EIF4E3: variants seen among roughly 807,000 people sequenced by gnomAD.
The protein encoded by EIF4E3 is eukaryotic translation initiation factor 4E family member 3, also known as eukaryotic translation initiation factor 4E type 3.
EIF4E3 carries 26 observed loss-of-function variants against 31.7 expected under a neutral mutation model. The observed-to-expected ratio is 0.82, with a 90% CI of 0.60 to 1.14. The LOEUF (loss-of-function observed/expected upper bound fraction) is 1.14, where lower values mean the gene tolerates loss of function less well. Ranked by LOEUF, EIF4E3 falls within the 50% of genes most tolerant of loss-of-function variation. The pLI is 0.00. For synonymous variants in EIF4E3, 128 were observed against 107.7 expected, an observed-to-expected ratio of 1.19 and a Z score of -1.17; for missense variants, 304 against 270.9, an observed-to-expected ratio of 1.12 and a Z score of -0.86.
chr3:71,714,273 A>C (rs58952199), intron 1 of EIF4E3, among the ~76,000 whole-genome samples: 2,878 of 125,354 alleles, frequency 0.023, 115 homozygotes, highest in African/African-American at 0.089. Context: ...AAGGAAGGAA[A>C]GAAGGAAGGA....
chr3:71,708,970 G>A (rs144521532), intron 2 of EIF4E3, among the ~76,000 whole-genome samples: 1 of 152,258 alleles, frequency 6.6e-6, no homozygotes, highest in African/African-American at 2.4e-5. Flanking sequence ...TCAGGACTGT[G>A]TCTTCACACC....
Position 71,684,408 on chromosome 3 carries a change from ATC to A in EIF4E3, c.*272_*273del. ...TTTTAAACGGCAAAAAAAAAAAAAA[ATC>A]AGAGTGAAAAGAACAGAGAATTTAG... On this transcript the variant is annotated 3_prime_UTR_variant, in exon 7 of 7. Transcript: ENST00000425534. The A allele has an allele frequency of 6.3e-6, 2 of 318,578 alleles. No individual in the cohort carries two copies. The highest frequency in any genetic ancestry group is 1.2e-5 in the Non-Finnish European group (2 of 173,456). 19.7% of individuals were successfully genotyped at this position (318,578 alleles called of 1,614,324 possible). A position where few individuals can be genotyped will look rare whatever the true frequency, so the allele number is the denominator to read the frequency against.
chr3:71,682,237 C>T lies in EIF4E3; in HGVS notation c.*2445G>A, dbSNP rs2048932810. On this transcript the variant is annotated 3_prime_UTR_variant, in exon 7 of 7. Coordinates refer to ENST00000425534, the MANE Select transcript of EIF4E3 (RefSeq NM_001134651.2). Reference sequence around the variant, plus strand: ...CACAGACCCTAAGGAATTACAAAGACAAAAAAGCAAGCTCTTTGGTTTCTG... The same window carrying T: ...CACAGACCCTAAGGAATTACAAAGATAAAAAAGCAAGCTCTTTGGTTTCTG... 6.6e-6 allele frequency: 1 copy of T among 152,136 alleles called. No homozygotes were observed. The highest frequency in any genetic ancestry group is 6.5e-5 in the Admixed American group (1 of 15,284). The allele number at this position is 152,136 out of a possible 1,614,324, so 9.4% of individuals were successfully genotyped here. A position where few individuals can be genotyped will look rare whatever the true frequency, so the allele number is the denominator to read the frequency against.
At chr3:71,669,900 T>G in the EIF4E3 span, among the ~76,000 whole-genome samples, 1 of 152,222 alleles carries the variant, frequency 6.6e-6, no homozygotes. Flanking sequence ...CTATTCATAC[T>G]GCACAGCTCC....
chr3:71,753,439 G>GCGC (rs1255739289), intron 1 of EIF4E3: 2 of 152,286 alleles, frequency 1.3e-5, no homozygotes, highest in Non-Finnish European at 2.9e-5. Flanking sequence ...CCCAGCGCGG[G>GCGC]CGCCGCCGCC....
In EIF4E3 at chr3:71,711,382, A is replaced by G. The variant is rs1203461545; in HGVS notation, c.177-898T>C. 2.0e-5 allele frequency among the ~76,000 whole-genome samples: 3 copies of G among 152,256 alleles called. No homozygotes were observed. The East Asian group carries it at 5.8e-4, about 29-fold the overall frequency. ...CACATCTGGTTGTTGGTGAGAAATAAGAAGCTTGCTGAGAGGAGAAAGCAC... is the reference window on the plus strand; with the variant it reads ...CACATCTGGTTGTTGGTGAGAAATAGGAAGCTTGCTGAGAGGAGAAAGCAC... On this transcript the variant is annotated intron_variant, in intron 1 of 6. Coordinates refer to ENST00000425534, the MANE Select transcript of EIF4E3 (RefSeq NM_001134651.2).
upstream of EIF4E3, among the ~76,000 whole-genome samples, chr3:71,729,377 A>G (rs1241170796): frequency 6.6e-6 from 1 of 152,204 alleles, no homozygotes; most frequent in African/African-American, 2.4e-5. Flanking sequence ...CTCTGTCTCA[A>G]CACTTTGGGA....
chr3:71,728,115 A>G (rs1249346693), upstream of EIF4E3, among the ~76,000 whole-genome samples: 2 of 152,214 alleles, frequency 1.3e-5, no homozygotes, highest in African/African-American at 4.8e-5. Flanking sequence ...AAGACCTAAT[A>G]GCATATATGC....
upstream of EIF4E3, chr3:71,754,267 C>T (rs1354433923): frequency 8.2e-7 from 1 of 1,224,220 alleles, no homozygotes; most frequent in Non-Finnish European, 1.0e-6. The surrounding 1 kb of genome is among the most constrained non-coding windows in gnomAD (Gnocchi z 5.8). Context: ...GCCTGCCTCC[C>T]GGCCGTCATG....
At chr3:71,731,433 T>C (rs1232339548) in intron 1 of EIF4E3, among the ~76,000 whole-genome samples, 1 of 152,106 alleles carries the variant, frequency 6.6e-6, no homozygotes, top group Non-Finnish European at 1.5e-5. Flanking sequence ...CTAAAGCAGG[T>C]CTTCTCCCCT....
chr3:71,660,776 G>A, the EIF4E3 span, among the ~76,000 whole-genome samples: 1 of 152,200 alleles, frequency 6.6e-6, no homozygotes, highest in South Asian at 2.1e-4. Flanking sequence ...TCTGTTTTGC[G>A]GATGACAAGG....
upstream of EIF4E3, among the ~76,000 whole-genome samples, chr3:71,727,846 A>G (rs971705005): frequency 1.3e-5 from 2 of 152,238 alleles, no homozygotes; most frequent in Admixed American, 1.3e-4. Flanking sequence ...CAATATCCTC[A>G]GCAAAAAAGG....
chr3:71,725,282 T>TCGGGGGCGGCGG lies in EIF4E3; in HGVS notation c.74_85dup (p.Ala25_Pro28dup). ...CAGCTGCTGCAGGCCGAGCGGCGGC[T>TCGGGGGCGGCGG]CGGGGGCGGCGGCAGCGGCGGCGGC... On this transcript the variant is annotated inframe_insertion, in exon 1 of 7. Coordinates refer to ENST00000425534, the MANE Select transcript of EIF4E3 (RefSeq NM_001134651.2). This position sits in a 1 kb window ranked among gnomAD's most constrained non-coding sequence, Gnocchi z 6.1. 3 of 1,014,464 alleles carry TCGGGGGCGGCGG rather than the reference T, an allele frequency of 3.0e-6. No individual in the cohort carries two copies. The highest frequency in any genetic ancestry group is 4.4e-5 in the South Asian group (1 of 22,502). 62.8% of individuals were successfully genotyped at this position (1,014,464 alleles called of 1,614,324 possible).
At chr3:71,747,697 C>G (rs1402173753) in intron 1 of EIF4E3, among the ~76,000 whole-genome samples, 1 of 152,096 alleles carries the variant, frequency 6.6e-6, no homozygotes, top group Non-Finnish European at 1.5e-5. Flanking sequence ...ACTTCCTAAT[C>G]TAAAGTCATG....
At chr3:71,674,398 C>T (rs952137257), downstream of EIF4E3, among the ~76,000 whole-genome samples, 5 of 151,994 alleles carry the variant, frequency 3.3e-5, no homozygotes, top group African/African-American at 9.7e-5. Flanking sequence ...TGAGCCACTG[C>T]GCCCGACCCT....
intron 2 of EIF4E3, among the ~76,000 whole-genome samples, chr3:71,708,170 G>A (rs1213077334): frequency 2.0e-5 from 3 of 151,982 alleles, no homozygotes; most frequent in African/African-American, 7.3e-5. Flanking sequence ...CACCATGCTC[G>A]GCCTCATTCA....
rs1559602527 is a variant in EIF4E3 at position 71,714,273 on chromosome 3, A to AAGGAAG, written c.177-3790_177-3789insCTTCCT. On this transcript the variant is annotated intron_variant, in intron 1 of 6. Coordinates refer to ENST00000425534, the MANE Select transcript of EIF4E3 (RefSeq NM_001134651.2). Reference sequence around the variant, plus strand: ...AGGAAGGAAGGAAGGAAGGAAGGAAAGAAGGAAGGAAGGAAGGAAGGAAGG... The same window carrying AAGGAAG: ...AGGAAGGAAGGAAGGAAGGAAGGAAAAGGAAGGAAGGAAGGAAGGAAGGAAGGAAGG... Among the ~76,000 whole-genome samples the AAGGAAG allele has an allele frequency of 3.2e-4, 40 of 125,372 alleles. 1 individual carries two copies. Among genetic ancestry groups the AAGGAAG allele is most frequent in the East Asian group, 6.4e-4 (3 of 4,684 alleles). The allele number at this position is 125,372 out of a possible 152,430, so 82.2% of individuals were successfully genotyped here. A position where few individuals can be genotyped will look rare whatever the true frequency, so the allele number is the denominator to read the frequency against.
At chr3:71,666,414 C>A in the EIF4E3 span, among the ~76,000 whole-genome samples, 1 of 152,102 alleles carries the variant, frequency 6.6e-6, no homozygotes, top group African/African-American at 2.4e-5. Flanking sequence ...AATACCTGAA[C>A]AGGCCAATAA....
At chr3:71,691,571 G>C (rs2108024356) in intron 5 of EIF4E3, among the ~76,000 whole-genome samples, 1 of 152,330 alleles carries the variant, frequency 6.6e-6, no homozygotes, top group African/African-American at 2.4e-5. Context: ...GAAGGAAAGA[G>C]AGCAGGGGGG....
Sources: allele counts gnomAD v4.1 joint callset (sites outside exome capture counted in the v4.1 genomes callset), GRCh38; gene constraint gnomAD v4.1.1; non-coding constraint Gnocchi (gnomAD v3.1); transcripts MANE v1.5; gene names NCBI Gene and HGNC (gene_info 2026-07-23, HGNC 2026-07-21).